Variants in FBXL2 observed in about 807,000 individuals in gnomAD.
FBXL2 encodes F-box/LRR-repeat protein 2.
FBXL2 carries 38 observed loss-of-function variants against 69.2 expected under a neutral mutation model. The ratio of observed to expected loss-of-function variants is 0.55; its 90% CI spans 0.42 to 0.72. The LOEUF is 0.72. Among genes scored for constraint, FBXL2 ranks in the 30% least tolerant of loss-of-function variants. The probability of loss-of-function intolerance (pLI) is 0.00; values close to 1 mark genes in which losing one functional copy is unlikely to be tolerated. For missense variants in FBXL2, 354 were observed against 520.3 expected (o/e 0.68, Z 3.11); for synonymous variants, 192 against 201.3 (o/e 0.95, Z 0.39).
intron 1 of FBXL2, among the ~76,000 whole-genome samples, chr3:33,294,627 C>T (rs2035569789): frequency 6.6e-6 from 1 of 151,928 alleles, no homozygotes; most frequent in Non-Finnish European, 1.5e-5. Flanking sequence ...TCAGTTGAGC[C>T]CAGGAGTTCA....
At chr3:33,402,914 G>C in intron 12 of FBXL2, 4 of 1,594,256 alleles carry the variant, frequency 2.5e-6, no homozygotes, top group South Asian at 1.1e-5. Flanking sequence ...ACTAAGGACA[G>C]AAACAGAAAT....
At chr3:33,330,837 C>CAAGAT (rs1194519205) in intron 2 of FBXL2, among the ~76,000 whole-genome samples, 2 of 151,848 alleles carry the variant, frequency 1.3e-5, no homozygotes, top group Admixed American at 1.3e-4. Context: ...TGCAGTGAGT[C>CAAGAT]AAGATCATGC....
intron 2 of FBXL2, among the ~76,000 whole-genome samples, chr3:33,339,275 A>G (rs906910280): frequency 2.6e-5 from 4 of 152,190 alleles, no homozygotes; most frequent in African/African-American, 9.7e-5. Context: ...AATTCAAAAA[A>G]CAGATGCTGA....
chr3:33,395,207 A>C (rs965095450), intron 12 of FBXL2, among the ~76,000 whole-genome samples: 1 of 152,240 alleles, frequency 6.6e-6, no homozygotes, highest in African/African-American at 2.4e-5. Flanking sequence ...TACCAAATAG[A>C]AAAGTTCACA....
At chr3:33,340,599 A>T (rs2039941679) in intron 2 of FBXL2, among the ~76,000 whole-genome samples, 1 of 144,262 alleles carries the variant, frequency 6.9e-6, no homozygotes, top group Admixed American at 7.1e-5. Flanking sequence ...AAAAAAAAAA[A>T]GAAGGAAGTA....
At chr3:33,420,328 T>G in the FBXL2 span, among the ~76,000 whole-genome samples, 1 of 152,170 alleles carries the variant, frequency 6.6e-6, no homozygotes, top group African/African-American at 2.4e-5. Context: ...TTTATTAACA[T>G]TCTTTTTTCT....
intron 12 of FBXL2, chr3:33,396,137 G>T: frequency 6.6e-7 from 1 of 1,525,802 alleles, no homozygotes; most frequent in Non-Finnish European, 9.0e-7. Flanking sequence ...AGAAGTGACA[G>T]AATTGAGATG....
At chr3:33,400,143 AAAAC>A (rs770675956) in intron 12 of FBXL2, 2 of 1,281,988 alleles carry the variant, frequency 1.6e-6, no homozygotes, top group East Asian at 2.8e-5. Context: ...CACAGAAACA[AAAAC>A]AAAACATTCT....
At chr3:33,359,076 GT>G in intron 3 of FBXL2, 55 bp downstream of exon 3, 1 of 1,218,730 alleles carries the variant, frequency 8.2e-7, no homozygotes, top group Non-Finnish European at 1.1e-6. Context: ...ATTAGAATGA[GT>G]TTTAGTTCAA....
chr3:33,380,321 C>T (rs986581230), intron 13 of FBXL2, among the ~76,000 whole-genome samples: 2 of 151,852 alleles, frequency 1.3e-5, no homozygotes, highest in African/African-American at 4.8e-5. Flanking sequence ...CTTTGGGAGG[C>T]CGAGGCAGGC....
At chr3:33,327,143 A>G (rs1211981545) in intron 2 of FBXL2, among the ~76,000 whole-genome samples, 2 of 152,198 alleles carry the variant, frequency 1.3e-5, no homozygotes, top group African/African-American at 2.4e-5. Flanking sequence ...TTTCTTGAAT[A>G]CACTGCAGCA....
chr3:33,418,624 C>T, the FBXL2 span, among the ~76,000 whole-genome samples: 2 of 151,550 alleles, frequency 1.3e-5, no homozygotes, highest in East Asian at 2.0e-4. Context: ...TTTGGGAGCC[C>T]GAGGCGGGCA....
exon 13 of FBXL2, chr3:33,403,412 G>A (rs2044303875): frequency 5.4e-6 from 1 of 183,712 alleles, no homozygotes; most frequent in African/African-American, 2.4e-5. Flanking sequence ...TACCTCTAAA[G>A]GTTAATAATC....
the FBXL2 span, chr3:33,408,860 CT>C: frequency 7.4e-7 from 1 of 1,360,160 alleles, no homozygotes; most frequent in Middle Eastern, 1.8e-4. Flanking sequence ...ATCTAACACC[CT>C]GTTTCATGTC....
chr3:33,374,012 T>A (rs2042472146), intron 9 of FBXL2, 91 bp downstream of exon 9: 2 of 1,165,854 alleles, frequency 1.7e-6, no homozygotes, highest in Non-Finnish European at 2.6e-6. Flanking sequence ...CCTAGGCACC[T>A]GAGATGGGCT....
At chr3:33,388,153 G>C (rs2043588639), downstream of FBXL2, 1 of 150,646 alleles carries the variant, frequency 6.6e-6, no homozygotes, top group Non-Finnish European at 1.5e-5. Context: ...TAGTTAGTTA[G>C]TTAATGGAAT....
intron 2 of FBXL2, among the ~76,000 whole-genome samples, chr3:33,312,491 A>T (rs188578514): frequency 3.3e-5 from 5 of 152,138 alleles, no homozygotes; most frequent in Non-Finnish European, 7.4e-5. Context: ...ATTGGTGTCT[A>T]TGCATTTGAA....
intron 1 of FBXL2, among the ~76,000 whole-genome samples, chr3:33,292,092 A>G (rs142461708): frequency 3.0e-4 from 45 of 152,308 alleles, no homozygotes; most frequent in South Asian, 6.2e-4. Flanking sequence ...TTAAAAATAC[A>G]TAACAGGCCA....
chr3:33,313,612 A>ATTT (rs111524427), intron 2 of FBXL2, among the ~76,000 whole-genome samples: 1 of 119,526 alleles, frequency 8.4e-6, no homozygotes, highest in South Asian at 2.8e-4. Flanking sequence ...TGCTCAGATA[A>ATTT]TTGTTTTATT....
Sources: allele counts gnomAD v4.1 joint callset (sites outside exome capture counted in the v4.1 genomes callset), GRCh38; gene constraint gnomAD v4.1.1; transcripts MANE v1.5; gene names NCBI Gene and HGNC (gene_info 2026-07-23, HGNC 2026-07-21).